The following SOS1 variants were observed in gnomAD, a reference collection of about 807,000 sequenced individuals.
The protein encoded by SOS1 is son of sevenless homolog 1.
SOS1 carries 25 observed loss-of-function variants against 157.6 expected under a neutral mutation model. The observed-to-expected ratio is 0.16, with a 90% CI of 0.12 to 0.22. The LOEUF is 0.22. Among genes scored for constraint, SOS1 ranks in the 10% least tolerant of loss-of-function variants. The pLI, the probability that SOS1 is intolerant of heterozygous loss-of-function variation, is 1.00. For synonymous variants in SOS1, 528 were observed against 534.0 expected (o/e 0.99, Z 0.16); for missense variants, 1,237 against 1,599.1 (o/e 0.77, Z 3.86).
intron 1 of SOS1, among the ~76,000 whole-genome samples, chr2:39,115,227 A>G (rs1447870352): frequency 6.6e-6 from 1 of 152,132 alleles, no homozygotes; most frequent in African/African-American, 2.4e-5. Flanking sequence ...CAATCAAGAT[A>G]AGTAAACATA....
intron 10 of SOS1, among the ~76,000 whole-genome samples, chr2:39,021,553 A>G (rs1441920809): frequency 6.7e-6 from 1 of 150,324 alleles, no homozygotes; most frequent in Non-Finnish European, 1.5e-5. Flanking sequence ...AAAAATTAAA[A>G]CTTCTTTCTT....
At chr2:39,112,194 G>T (rs530353134) in intron 1 of SOS1, among the ~76,000 whole-genome samples, 1 of 151,600 alleles carries the variant, frequency 6.6e-6, no homozygotes, top group African/African-American at 2.4e-5. Flanking sequence ...AATCTCTACT[G>T]CCGCTACCTG....
chr2:39,015,534 C>A (rs1669600697), intron 10 of SOS1, among the ~76,000 whole-genome samples: 2 of 151,824 alleles, frequency 1.3e-5, no homozygotes. Flanking sequence ...GTCTCCAATC[C>A]CTTCCATGAA....
chr2:38,997,104 A>G (rs1668920398), intron 18 of SOS1, 66 bp from the exon 19 acceptor site: 3 of 1,066,138 alleles, frequency 2.8e-6, no homozygotes, highest in Admixed American at 2.0e-5. Flanking sequence ...AAATTCATGG[A>G]AAGTTAAGAA....
intron 8 of SOS1, among the ~76,000 whole-genome samples, chr2:39,027,535 CT>C (rs1670004587): frequency 6.6e-6 from 1 of 152,138 alleles, no homozygotes; most frequent in African/African-American, 2.4e-5. Flanking sequence ...AAACTTGGCA[CT>C]GGTGCAATAT....
At chr2:39,013,821 C>A in intron 12 of SOS1, 46 bp downstream of exon 12, 1 of 1,563,740 alleles carries the variant, frequency 6.4e-7, no homozygotes, top group South Asian at 1.1e-5. Context: ...AACATTGAAA[C>A]GAAAGTTTGA....
chr2:38,999,479 G>A (rs1248069146), intron 17 of SOS1, among the ~76,000 whole-genome samples: 1 of 152,192 alleles, frequency 6.6e-6, no homozygotes, highest in African/African-American at 2.4e-5. Context: ...TGCCTGTTTG[G>A]TTTTTAAAAG....
In SOS1 at chr2:39,051,291, T is replaced by C; in HGVS notation, c.721-4A>G. On this transcript the variant is annotated splice_polypyrimidine_tract_variant and splice_region_variant and intron_variant, in intron 5 of 22. Transcript: ENST00000402219. ...GACTAAATATATTTTCTACATCCTGTTTGGGGGAAAACACATTAATTCAGT... is the reference window on the plus strand; with the variant it reads ...GACTAAATATATTTTCTACATCCTGCTTGGGGGAAAACACATTAATTCAGT... The C allele has an allele frequency of 6.2e-7, 1 of 1,610,164 alleles. No homozygotes were observed. Among genetic ancestry groups the C allele is most frequent in the Non-Finnish European group, 8.5e-7 (1 of 1,176,864 alleles).
intron 1 of SOS1, among the ~76,000 whole-genome samples, chr2:39,078,276 C>T (rs1672083582): frequency 6.6e-6 from 1 of 152,006 alleles, no homozygotes; most frequent in Admixed American, 6.6e-5. Context: ...ACTATTTTGA[C>T]AAAAATTCTA....
intron 1 of SOS1, among the ~76,000 whole-genome samples, chr2:39,097,271 T>C (rs766454936): frequency 6.6e-6 from 1 of 152,222 alleles, no homozygotes; most frequent in Non-Finnish European, 1.5e-5. Context: ...AAATATGAGC[T>C]ATAAATTAAA....
chr2:39,010,540 CATAGCTGACAGCTATAAA>C (rs770720784), intron 15 of SOS1, 26 bp downstream of exon 15: 15 of 1,558,330 alleles, frequency 9.6e-6, no homozygotes. Context: ...AAATTCATAA[CATAGCTGACAGCTATAAA>C]ATATAAGAAT....
rs1064796575 is a variant in SOS1, at chr2:38,986,000, G to A, written c.3826C>T (p.Pro1276Ser). The part of the protein sequence containing the change: ...PHGTRRHLPS[P>S]PLTQEVDLHS... The stretch of plus-strand genomic sequence containing the variant: ...AGGTCCACTTCTTGTGTCAATGGTG[G>A]TGATGGCAGATGCCTTCTTGTGCCG... Residue 1276 changes from proline (P) to serine (S), a missense_variant, in exon 23 of 23, where the codon CCA becomes TCA. By Grantham distance (74) the Pro-to-Ser change is moderately conservative (BLOSUM62 -1). Around this residue, in one of 15 missense-constraint regions of SOS1, gnomAD observed 306 missense variants for 322.6 expected, o/e 0.95. Coordinates refer to ENST00000402219, the MANE Select transcript of SOS1 (RefSeq NM_005633.4). The A allele has an allele frequency of 6.2e-7, 1 of 1,613,996 alleles. No homozygotes were observed. Among genetic ancestry groups the A allele is most frequent in the South Asian group, 1.1e-5 (1 of 91,076 alleles).
At chr2:39,067,857 G>A in intron 1 of SOS1, 104 bp from the exon 2 acceptor site, 2 of 972,482 alleles carry the variant, frequency 2.1e-6, no homozygotes, top group South Asian at 2.6e-5. Context: ...GGTGGCTCAT[G>A]CCTGTAATGC....
chr2:39,062,044 ATTTG>A (rs1301231465), intron 2 of SOS1, among the ~76,000 whole-genome samples: 3 of 152,140 alleles, frequency 2.0e-5, no homozygotes, highest in Non-Finnish European at 2.9e-5. Flanking sequence ...TGTGGGAGAA[ATTTG>A]TTTTTGTTTA....
intron 10 of SOS1, among the ~76,000 whole-genome samples, chr2:39,015,907 A>C (rs1271835701): frequency 6.6e-6 from 1 of 150,658 alleles, no homozygotes; most frequent in Non-Finnish European, 1.5e-5. Context: ...GTAGACTCCA[A>C]TAGTAAATTC....
At chr2:39,006,559 A>C (rs1356288305) in intron 16 of SOS1, 30 bp from the exon 17 acceptor site, 2 of 1,102,774 alleles carry the variant, frequency 1.8e-6, no homozygotes, top group Non-Finnish European at 2.8e-6. Context: ...GCGTAAGTTT[A>C]CAAAAGGAAT....
At chr2:39,009,689 A>G (rs1669397989) in intron 15 of SOS1, among the ~76,000 whole-genome samples, 1 of 152,318 alleles carries the variant, frequency 6.6e-6, no homozygotes. Context: ...TTAACAATGT[A>G]TTGTTTGATT....
At chr2:39,052,708 G>C (rs917730203) in intron 5 of SOS1, among the ~76,000 whole-genome samples, 3 of 152,130 alleles carry the variant, frequency 2.0e-5, no homozygotes, top group African/African-American at 4.8e-5. Flanking sequence ...TGGACATTTG[G>C]GTTGTTTCCA....
chr2:39,097,735 T>C (rs1186684055), intron 1 of SOS1, among the ~76,000 whole-genome samples: 1 of 152,048 alleles, frequency 6.6e-6, no homozygotes, highest in Non-Finnish European at 1.5e-5. Context: ...AGCTAATTTT[T>C]TGCATTTTTG....
Sources: allele counts gnomAD v4.1 joint callset (sites outside exome capture counted in the v4.1 genomes callset), GRCh38; gene constraint gnomAD v4.1.1; regional missense constraint gnomAD v4.1.1; transcripts MANE v1.5; gene names NCBI Gene and HGNC (gene_info 2026-07-23, HGNC 2026-07-21).